ZMYM2: variants seen among roughly 807,000 people sequenced by gnomAD.
The protein encoded by ZMYM2 is zinc finger MYM-type containing 2.
Under a neutral mutation model 162.8 loss-of-function variants are expected in ZMYM2, and 56 were observed. The ratio of observed to expected loss-of-function variants is 0.34; its 90% CI spans 0.28 to 0.43. The LOEUF (loss-of-function observed/expected upper bound fraction) is 0.43, where lower values mean the gene tolerates loss of function less well. Among genes scored for constraint, ZMYM2 ranks in the 20% least tolerant of loss-of-function variants. The probability of loss-of-function intolerance (pLI) is 1.00; values close to 1 mark genes in which losing one functional copy is unlikely to be tolerated. For synonymous variants in ZMYM2, 510 were observed against 541.6 expected (o/e 0.94, Z 0.81); for missense variants, 1,275 against 1,621.8 (o/e 0.79, Z 3.67).
the ZMYM2 span, among the ~76,000 whole-genome samples, chr13:19,885,717 G>A: frequency 3.3e-5 from 5 of 150,936 alleles, no homozygotes; most frequent in Non-Finnish European, 7.4e-5. Context: ...ACATGTTTTC[G>A]CTTGCTTTAA....
upstream of ZMYM2, among the ~76,000 whole-genome samples, chr13:19,954,981 T>C (rs566692617): frequency 6.6e-6 from 1 of 152,100 alleles, no homozygotes; most frequent in East Asian, 1.9e-4. Context: ...CGGCTAGTTT[T>C]TGTATTTTTT....
intron 21 of ZMYM2, among the ~76,000 whole-genome samples, chr13:20,080,785 C>T (rs1437740912): frequency 6.6e-6 from 1 of 152,164 alleles, no homozygotes; most frequent in Non-Finnish European, 1.5e-5. Flanking sequence ...CCACCACTCC[C>T]ACCCCAGTAT....
At chr13:19,970,925 C>G (rs966408559) in intron 2 of ZMYM2, among the ~76,000 whole-genome samples, 3 of 151,962 alleles carry the variant, frequency 2.0e-5, no homozygotes, top group South Asian at 4.2e-4. Flanking sequence ...GAAAGAGAGA[C>G]ATTTAAGCAG....
the ZMYM2 span, among the ~76,000 whole-genome samples, chr13:19,884,595 G>C: frequency 6.6e-6 from 1 of 152,042 alleles, no homozygotes; most frequent in Non-Finnish European, 1.5e-5. Context: ...AAAAGCCGTG[G>C]TCCTCACGGT....
Position 20,079,157 on chromosome 13 carries a change from A to G in ZMYM2, c.3454-2859A>G, listed in dbSNP as rs1176253220. 5.3e-5 allele frequency among the ~76,000 whole-genome samples: 8 copies of G among 151,758 alleles called. 1 individual carries two copies. The South Asian group carries it at 1.2e-3, about 24-fold the overall frequency. ...AACATAGTGAAACCCCGTCTCTACTAAAAATACAAAAATTAGCCGGGTGTG... is the reference window on the plus strand; with the variant it reads ...AACATAGTGAAACCCCGTCTCTACTGAAAATACAAAAATTAGCCGGGTGTG... On this transcript the variant is annotated intron_variant, in intron 21 of 24. Coordinates refer to ENST00000610343, the MANE Select transcript of ZMYM2 (RefSeq NM_197968.4).
intron 9 of ZMYM2, among the ~76,000 whole-genome samples, chr13:20,030,641 G>C (rs577781405): frequency 2.0e-5 from 3 of 151,986 alleles, no homozygotes; most frequent in African/African-American, 7.2e-5. Context: ...TTCGTGATCC[G>C]CCCGCCTTGG....
At chr13:19,996,208 A>G (rs35337113) in intron 3 of ZMYM2, among the ~76,000 whole-genome samples, 6,528 of 152,288 alleles carry the variant, frequency 0.043, 202 homozygotes, top group Non-Finnish European at 0.064. Context: ...GTAGAATGCT[A>G]TATGAATTGC....
At chr13:20,063,101 C>T (rs1260224238) in intron 18 of ZMYM2, 130 bp downstream of exon 18, 2 of 1,166,284 alleles carry the variant, frequency 1.7e-6, no homozygotes, top group East Asian at 5.6e-5. Flanking sequence ...ATTTTTTAAA[C>T]TCACCTTAAG....
chr13:19,995,003 A>T (rs996475277), intron 3 of ZMYM2, among the ~76,000 whole-genome samples: 6 of 1,192 alleles, frequency 5.0e-3, no homozygotes, highest in East Asian at 0.029. Flanking sequence ...TGGCTAAATT[A>T]AAAAAAAAAA....
At chr13:19,870,595 C>CCTTCCTTCCTTCCTTT in the ZMYM2 span, among the ~76,000 whole-genome samples, 4 of 142,826 alleles carry the variant, frequency 2.8e-5, no homozygotes, top group African/African-American at 1.0e-4. Flanking sequence ...TTCCTTCCTT[C>CCTTCCTTCCTTCCTTT]CTTTCTTTCT....
intron 2 of ZMYM2, among the ~76,000 whole-genome samples, chr13:19,977,379 T>C (rs1419426511): frequency 6.6e-6 from 1 of 152,166 alleles, no homozygotes; most frequent in Non-Finnish European, 1.5e-5. Flanking sequence ...AAATTCAGTC[T>C]GCCAGTGTAT....
At chr13:20,064,322 C>T in intron 18 of ZMYM2, 129 bp from the exon 19 acceptor site, 1 of 604,170 alleles carries the variant, frequency 1.7e-6, no homozygotes, top group Non-Finnish European at 2.6e-6. Flanking sequence ...GTCATTTACT[C>T]CCCAGCCCAG....
At chr13:19,900,893 G>A in the ZMYM2 span, among the ~76,000 whole-genome samples, 3 of 152,124 alleles carry the variant, frequency 2.0e-5, no homozygotes, top group Non-Finnish European at 4.4e-5. Flanking sequence ...ATTGTCAGGC[G>A]TGGTGGCGGG....
chr13:19,955,366 T>G (rs1255296422), upstream of ZMYM2, among the ~76,000 whole-genome samples: 2 of 152,068 alleles, frequency 1.3e-5, no homozygotes, highest in South Asian at 4.1e-4. Context: ...AAAAACTCTA[T>G]GAAAGAGGAA....
At chr13:20,000,799 T>C (rs1258036995) in intron 3 of ZMYM2, among the ~76,000 whole-genome samples, 1 of 152,246 alleles carries the variant, frequency 6.6e-6, no homozygotes, top group Non-Finnish European at 1.5e-5. Context: ...GGAGTAATTT[T>C]GACTTTTAAG....
At chr13:19,900,954 T>C in the ZMYM2 span, among the ~76,000 whole-genome samples, 1 of 152,232 alleles carries the variant, frequency 6.6e-6, no homozygotes, top group East Asian at 1.9e-4. Flanking sequence ...TTCTTGAATG[T>C]GATATCAAAA....
At chr13:19,926,843 T>A in the ZMYM2 span, among the ~76,000 whole-genome samples, 24 of 152,270 alleles carry the variant, frequency 1.6e-4, no homozygotes, top group African/African-American at 5.8e-4. Flanking sequence ...AATTTTTGTA[T>A]TTTTTGTAGA....
At chr13:19,987,713 TCAGA>T (rs1349309266) in intron 2 of ZMYM2, among the ~76,000 whole-genome samples, 3 of 150,334 alleles carry the variant, frequency 2.0e-5, no homozygotes, top group Non-Finnish European at 4.4e-5. Flanking sequence ...ACTCCTGAGC[TCAGA>T]CAATCTGCCC....
At chr13:20,031,492 TAA>T in intron 10 of ZMYM2, 57 bp downstream of exon 10, 1 of 1,129,964 alleles carries the variant, frequency 8.8e-7, no homozygotes, top group Non-Finnish European at 1.2e-6. Context: ...TCTAGTAAAA[TAA>T]GTGTTGTATT....
Sources: allele counts gnomAD v4.1 joint callset (sites outside exome capture counted in the v4.1 genomes callset), GRCh38; gene constraint gnomAD v4.1.1; transcripts MANE v1.5; gene names NCBI Gene and HGNC (gene_info 2026-07-23, HGNC 2026-07-21).